Variants in RMDN2 observed in about 807,000 individuals in gnomAD.
RMDN2 encodes regulator of microtubule dynamics 2, also known as regulator of microtubule dynamics protein 2.
A neutral mutation model predicts 52.8 loss-of-function variants in RMDN2; 61 were observed. The observed-to-expected ratio is 1.16, with a 90% CI of 0.94 to 1.43. RMDN2 has a LOEUF of 1.43. RMDN2 is among the 40% of genes most tolerant of loss of function. The pLI is 0.00. For missense variants in RMDN2, 592 were observed against 475.3 expected (o/e 1.25, Z -2.28); for synonymous variants, 180 against 153.1 (o/e 1.18, Z -1.30).
At chr2:37,994,958 C>T (rs903351037) in intron 7 of RMDN2, among the ~76,000 whole-genome samples, 1 of 152,106 alleles carries the variant, frequency 6.6e-6, no homozygotes, top group Non-Finnish European at 1.5e-5. Context: ...AAATTATAGT[C>T]AGATCAGTAT....
intron 2 of RMDN2, among the ~76,000 whole-genome samples, chr2:37,932,763 C>A (rs1339335078): frequency 7.0e-6 from 1 of 143,668 alleles, no homozygotes; most frequent in East Asian, 2.2e-4. Context: ...GTAGGGGCGG[C>A]CGGGCAGAGG....
chr2:38,018,101 CTTCT>C (rs1235170476), downstream of RMDN2, among the ~76,000 whole-genome samples: 1 of 152,206 alleles, frequency 6.6e-6, no homozygotes, highest in Non-Finnish European at 1.5e-5. Context: ...GCCATTTTCA[CTTCT>C]TTTGTGATTC....
intron 2 of RMDN2, among the ~76,000 whole-genome samples, chr2:37,938,349 A>T (rs1667487899): frequency 6.6e-6 from 1 of 152,140 alleles, no homozygotes; most frequent in African/African-American, 2.4e-5. Flanking sequence ...TATTGGCCTG[A>T]AATTTTCTTT....
At chr2:37,974,015 TTGA>T in intron 2 of RMDN2, 22 bp from the exon 3 acceptor site, 2 of 1,573,804 alleles carry the variant, frequency 1.3e-6, no homozygotes, top group Non-Finnish European at 1.7e-6. Flanking sequence ...TTCAAAGGAG[TTGA>T]TGATTATTTC....
intron 5 of RMDN2, among the ~76,000 whole-genome samples, chr2:37,989,081 GT>G (rs1674415719): frequency 6.6e-6 from 1 of 152,102 alleles, no homozygotes; most frequent in Non-Finnish European, 1.5e-5. Context: ...GAAATTGTAA[GT>G]TTTTTAAAGG....
intron 10 of RMDN2, among the ~76,000 whole-genome samples, chr2:38,015,133 C>T (rs1169475636): frequency 1.3e-5 from 2 of 152,140 alleles, no homozygotes; most frequent in Non-Finnish European, 2.9e-5. Flanking sequence ...ATGTGGTAAC[C>T]CCAACCCCAG....
chr2:38,064,334 A>G (rs1000446496), intron 10 of RMDN2, among the ~76,000 whole-genome samples: 8 of 152,106 alleles, frequency 5.3e-5, no homozygotes, highest in Non-Finnish European at 1.0e-4. Context: ...TACTAAAAAT[A>G]CAAAAATTAG....
At chr2:37,994,622 T>G (rs1462046944) in intron 7 of RMDN2, among the ~76,000 whole-genome samples, 1 of 151,856 alleles carries the variant, frequency 6.6e-6, no homozygotes, top group East Asian at 1.9e-4. Context: ...ATTAGAAAAA[T>G]GCAAATTAAA....
At chr2:37,926,091 A>G (rs1242868955) in intron 1 of RMDN2, among the ~76,000 whole-genome samples, 3 of 149,364 alleles carry the variant, frequency 2.0e-5, no homozygotes, top group Admixed American at 6.6e-5. Context: ...CAATTCTCTT[A>G]GGAAACTTAA....
At chr2:38,016,543 A>T (rs1239131314) in intron 10 of RMDN2, among the ~76,000 whole-genome samples, 1 of 152,218 alleles carries the variant, frequency 6.6e-6, no homozygotes, top group Non-Finnish European at 1.5e-5. Context: ...CTGTGTGGGA[A>T]AGCCTTCATT....
At position 37,973,964 on chromosome 2, in the gene RMDN2, C is replaced by G. The variant is rs1393322593; in HGVS notation, c.453-76C>G. On this transcript the variant is annotated intron_variant, in intron 2 of 10. Transcript: ENST00000354545. ...CAAGCATAAGAGGGGCATGATTTGA[C>G]TTGCATTTTAAAAGGAATGCTCTGG... The G allele has an allele frequency of 4.2e-6, 5 of 1,191,592 alleles. No individual in the cohort carries two copies. In the East Asian group the frequency reaches 9.8e-5, roughly 23 times the overall value. 73.8% of individuals were successfully genotyped at this position (1,191,592 alleles called of 1,614,324 possible).
At chr2:38,024,365 C>T (rs946016677) in intron 10 of RMDN2, among the ~76,000 whole-genome samples, 8 of 152,236 alleles carry the variant, frequency 5.3e-5, no homozygotes, top group Non-Finnish European at 8.8e-5. Context: ...AACTGTTTTC[C>T]AAAGTGGTTT....
chr2:37,974,976 C>G (rs1012984410), intron 3 of RMDN2: 6 of 460,876 alleles, frequency 1.3e-5, no homozygotes, highest in Admixed American at 4.0e-5. Flanking sequence ...GAGCTAGTGT[C>G]TGGATAATAT....
At chr2:38,051,086 T>C (rs1681567420) in intron 10 of RMDN2, among the ~76,000 whole-genome samples, 1 of 152,180 alleles carries the variant, frequency 6.6e-6, no homozygotes, top group Non-Finnish European at 1.5e-5. Flanking sequence ...GGAATGAGCC[T>C]CTTTAGGAAA....
At chr2:38,026,447 C>G (rs1679787923) in intron 10 of RMDN2, among the ~76,000 whole-genome samples, 1 of 152,028 alleles carries the variant, frequency 6.6e-6, no homozygotes, top group Admixed American at 6.6e-5. Flanking sequence ...CTTTTGGGTT[C>G]ATTGATTTTT....
intron 10 of RMDN2, among the ~76,000 whole-genome samples, chr2:38,016,646 A>G (rs954767349): frequency 3.9e-5 from 6 of 152,172 alleles, no homozygotes; most frequent in African/African-American, 1.4e-4. Context: ...CCTCAGCCCT[A>G]ACCTTTATAG....
chr2:37,988,695 C>G lies in RMDN2; in HGVS notation c.792-846C>G, dbSNP rs141376569. Among the ~76,000 whole-genome samples, 5 of 152,234 alleles carry G rather than the reference C, an allele frequency of 3.3e-5. No homozygotes were observed. The East Asian group carries it at 9.6e-4, about 29-fold the overall frequency. Reference sequence around the variant, plus strand: ...ATGACAATGCAAGTAAAAATTAACACCTACTCGAAATATTTAAGTAAATGG... The same window carrying G: ...ATGACAATGCAAGTAAAAATTAACAGCTACTCGAAATATTTAAGTAAATGG... On this transcript the variant is annotated intron_variant, in intron 5 of 10. Transcript: ENST00000354545.
chr2:37,973,212 A>G (rs1354249268), intron 2 of RMDN2, among the ~76,000 whole-genome samples: 1 of 152,240 alleles, frequency 6.6e-6, no homozygotes. Context: ...TAGAACAGGC[A>G]GAGTCTGAAT....
At chr2:38,018,323 TATAAA>T (rs928723153), downstream of RMDN2, among the ~76,000 whole-genome samples, 5 of 152,154 alleles carry the variant, frequency 3.3e-5, no homozygotes, top group South Asian at 2.1e-4. Context: ...AATATGAAAA[TATAAA>T]AGAAAAAATT....
Sources: allele counts gnomAD v4.1 joint callset (sites outside exome capture counted in the v4.1 genomes callset), GRCh38; gene constraint gnomAD v4.1.1; transcripts MANE v1.5; gene names NCBI Gene and HGNC (gene_info 2026-07-23, HGNC 2026-07-21).